ARB2A: variants seen among roughly 807,000 people sequenced by gnomAD.
ARB2A encodes cotranscriptional regulator ARB2A.
the ARB2A span, among the ~76,000 whole-genome samples, chr5:93,896,335 A>G: frequency 9.9e-5 from 15 of 152,130 alleles, no homozygotes; most frequent in Non-Finnish European, 2.1e-4. Flanking sequence ...GGACTGCACA[A>G]TTCCCCAAGT....
the ARB2A span, among the ~76,000 whole-genome samples, chr5:94,074,232 A>C: frequency 6.6e-6 from 1 of 152,142 alleles, no homozygotes; most frequent in African/African-American, 2.4e-5. Flanking sequence ...CAAAACGTTA[A>C]CATGTATAAA....
the ARB2A span, among the ~76,000 whole-genome samples, chr5:94,028,017 C>G: frequency 6.6e-6 from 1 of 152,084 alleles, no homozygotes; most frequent in Admixed American, 6.5e-5. Context: ...AAAGAAACAC[C>G]CACACATGTG....
chr5:93,984,028 T>C, the ARB2A span, among the ~76,000 whole-genome samples: 1 of 152,192 alleles, frequency 6.6e-6, no homozygotes, highest in Non-Finnish European at 1.5e-5. Context: ...AAGTATATTA[T>C]GCAACATTAG....
the ARB2A span, chr5:93,619,629 A>C: frequency 2.6e-5 from 4 of 152,250 alleles, no homozygotes; most frequent in African/African-American, 4.8e-5. Flanking sequence ...GTTCTCATCT[A>C]TTAGAAACAA....
chr5:94,083,047 CTTTCTACAAAATATTTT>C, the ARB2A span, among the ~76,000 whole-genome samples: 1 of 152,194 alleles, frequency 6.6e-6, no homozygotes, highest in African/African-American at 2.4e-5. Context: ...AATCCTCCTG[CTTTCTACAAAATATTTT>C]TTTCCCACAA....
At chr5:93,759,568 C>T in the ARB2A span, among the ~76,000 whole-genome samples, 1 of 152,114 alleles carries the variant, frequency 6.6e-6, no homozygotes, top group African/African-American at 2.4e-5. Flanking sequence ...GGGTTTCATG[C>T]CAGGAATGCA....
the ARB2A span, chr5:93,733,640 T>C: frequency 1.3e-5 from 2 of 152,214 alleles, no homozygotes; most frequent in African/African-American, 4.8e-5. Flanking sequence ...TAAATAAATA[T>C]TTGTTTACGT....
the ARB2A span, among the ~76,000 whole-genome samples, chr5:93,852,071 C>T: frequency 5.9e-5 from 9 of 152,236 alleles, no homozygotes; most frequent in African/African-American, 2.2e-4. Context: ...GTCCCAACAA[C>T]AGTGTAAAAG....
chr5:93,840,222 A>G, the ARB2A span, among the ~76,000 whole-genome samples: 1 of 152,174 alleles, frequency 6.6e-6, no homozygotes, highest in Non-Finnish European at 1.5e-5. Context: ...ACTAGTTTCA[A>G]AGAATTTCTT....
the ARB2A span, among the ~76,000 whole-genome samples, chr5:94,009,546 T>G: frequency 6.6e-6 from 1 of 152,018 alleles, no homozygotes. Flanking sequence ...ATACATTATT[T>G]TTTCTCATAT....
At chr5:93,865,245 C>T in the ARB2A span, 1 of 255,388 alleles carries the variant, frequency 3.9e-6, no homozygotes, top group Non-Finnish European at 6.2e-6. Context: ...CCATGCCTGG[C>T]TAATTTTTTG....
chr5:93,842,091 A>G, the ARB2A span, among the ~76,000 whole-genome samples: 2 of 152,212 alleles, frequency 1.3e-5, 1 homozygote. Flanking sequence ...TTGTTAGGAA[A>G]TTCTAGAAAA....
the ARB2A span, among the ~76,000 whole-genome samples, chr5:93,809,669 T>C: frequency 6.6e-5 from 10 of 152,030 alleles, no homozygotes; most frequent in Non-Finnish European, 1.5e-4. Flanking sequence ...AGGTATCAGA[T>C]GAAGTGCTTA....
the ARB2A span, among the ~76,000 whole-genome samples, chr5:93,721,511 A>G: frequency 6.6e-6 from 1 of 152,230 alleles, no homozygotes; most frequent in Non-Finnish European, 1.5e-5. Context: ...TGAGGCAAGT[A>G]CATGCACATG....
the ARB2A span, among the ~76,000 whole-genome samples, chr5:93,959,971 T>G: frequency 6.6e-6 from 1 of 151,882 alleles, no homozygotes; most frequent in Non-Finnish European, 1.5e-5. Flanking sequence ...GCTGGTACTC[T>G]TACATAAAGA....
At chr5:93,764,607 A>G in the ARB2A span, among the ~76,000 whole-genome samples, 2 of 152,228 alleles carry the variant, frequency 1.3e-5, no homozygotes, top group Non-Finnish European at 2.9e-5. Flanking sequence ...GCCGAACTCT[A>G]CAAGAGGTAC....
At chr5:93,745,498 A>G in the ARB2A span, among the ~76,000 whole-genome samples, 2 of 152,246 alleles carry the variant, frequency 1.3e-5, no homozygotes, top group African/African-American at 4.8e-5. Context: ...TGTGCGAGTG[A>G]TCTGCCTTTT....
At chr5:93,866,440 A>G in the ARB2A span, among the ~76,000 whole-genome samples, 3 of 152,082 alleles carry the variant, frequency 2.0e-5, no homozygotes, top group Non-Finnish European at 4.4e-5. Flanking sequence ...ACACATATAC[A>G]CCCACACACA....
chr5:93,964,125 T>C, the ARB2A span, among the ~76,000 whole-genome samples: 1 of 151,994 alleles, frequency 6.6e-6, no homozygotes, highest in Admixed American at 6.6e-5. Context: ...AAAACTGCAC[T>C]GGTTTACTAC....
Sources: allele counts gnomAD v4.1 joint callset (sites outside exome capture counted in the v4.1 genomes callset), GRCh38; gene constraint gnomAD v4.1.1; transcripts MANE v1.5; gene names NCBI Gene and HGNC (gene_info 2026-07-23, HGNC 2026-07-21).